Variants in ATP6V1B2 observed in about 807,000 individuals in gnomAD.
The protein encoded by ATP6V1B2 is ATPase H+ transporting V1 subunit B2.
In ATP6V1B2, 23 loss-of-function variants were observed where a neutral mutation model predicts 66.7. That is an observed-to-expected ratio of 0.34 (90% confidence interval 0.25 to 0.49). The LOEUF is 0.49. Among genes scored for constraint, ATP6V1B2 ranks in the 20% least tolerant of loss-of-function variants. The pLI, the probability that ATP6V1B2 is intolerant of heterozygous loss-of-function variation, is 0.99. For missense variants in ATP6V1B2, 478 were observed against 650.8 expected, an observed-to-expected ratio of 0.73 and a Z score of 2.89; for synonymous variants, 278 against 236.7, an observed-to-expected ratio of 1.17 and a Z score of -1.60.
At chr8:20,214,996 C>A in intron 10 of ATP6V1B2, 28 bp downstream of exon 10, 1 of 1,602,520 alleles carries the variant, frequency 6.2e-7, no homozygotes, top group Non-Finnish European at 8.5e-7. Flanking sequence ...GATTATAACA[C>A]ACCTAATCAT....
At chr8:20,218,894 T>G (rs920619360) in intron 13 of ATP6V1B2, among the ~76,000 whole-genome samples, 1 of 152,132 alleles carries the variant, frequency 6.6e-6, no homozygotes, top group Non-Finnish European at 1.5e-5. Context: ...AACCAAAGTT[T>G]TTTTTCCAGC....
chr8:20,220,571 T>C lies in ATP6V1B2; in HGVS notation c.*169T>C. 2.1e-6 allele frequency: 2 copies of C among 950,158 alleles called. No homozygotes were observed. The highest frequency in any genetic ancestry group is 2.9e-6 in the Non-Finnish European group (2 of 690,032). 58.9% of individuals were successfully genotyped at this position (950,158 alleles called of 1,614,324 possible). Reference sequence around the variant, plus strand: ...CCAGTGTTGCAACGTTTTAAACTGCTAACAGACCTTAAAATATCCCCCTAC... The same window carrying C: ...CCAGTGTTGCAACGTTTTAAACTGCCAACAGACCTTAAAATATCCCCCTAC... On this transcript the variant is annotated 3_prime_UTR_variant, in exon 14 of 14. Transcript: ENST00000276390.
chr8:20,217,316 A>C lies in ATP6V1B2; in HGVS notation c.1258A>C (p.Asn420His), dbSNP rs767182084. Residue 420 changes from asparagine (N) to histidine (H), a missense_variant, in exon 12 of 14, where the codon AAC (asparagine) becomes CAC (histidine). This residue lies in a region of ATP6V1B2 where 326 missense variants were observed against 545.6 expected (regional missense o/e 0.60). Coordinates refer to ENST00000276390, the MANE Select transcript of ATP6V1B2 (RefSeq NM_001693.4). ...MTRKDHADVS[N>H]QLYACYAIGK... ...CAGGAAGGATCATGCCGATGTATCT[A>C]ACCAGCTAGTATGTACATTCTTCTA... 2 of 1,607,370 alleles carry C rather than the reference A, an allele frequency of 1.2e-6. No homozygotes were observed. Among genetic ancestry groups the C allele is most frequent in the Non-Finnish European group, 8.5e-7 (1 of 1,174,038 alleles).
intron 13 of ATP6V1B2, among the ~76,000 whole-genome samples, chr8:20,219,360 A>T (rs187038431): frequency 1.4e-4 from 22 of 152,174 alleles, no homozygotes; most frequent in Admixed American, 1.3e-3. Flanking sequence ...TGCCAGGGTA[A>T]ATATATTACT....
At chr8:20,211,537 T>C (rs878968990) in intron 6 of ATP6V1B2, 115 bp from the exon 7 acceptor site, 1 of 1,303,920 alleles carries the variant, frequency 7.7e-7, no homozygotes, top group South Asian at 1.4e-5. Flanking sequence ...ATGAATACCC[T>C]AAAACATCCT....
chr8:20,206,605 C>G (rs1434370840), intron 2 of ATP6V1B2, among the ~76,000 whole-genome samples: 5 of 152,258 alleles, frequency 3.3e-5, no homozygotes, highest in African/African-American at 1.2e-4. Flanking sequence ...GAGTGAGGCC[C>G]TGAAGAGTCC....
At chr8:20,201,410 G>A (rs1435954343) in intron 1 of ATP6V1B2, among the ~76,000 whole-genome samples, 1 of 152,168 alleles carries the variant, frequency 6.6e-6, no homozygotes. Flanking sequence ...AGGAAGGCTG[G>A]ATAAATCTAG....
At chr8:20,210,319 C>T in intron 3 of ATP6V1B2, 27 bp from the exon 4 acceptor site, 1 of 1,577,100 alleles carries the variant, frequency 6.3e-7, no homozygotes, top group Non-Finnish European at 8.7e-7. Context: ...TACTTCTACC[C>T]TTCTCATTAA....
chr8:20,212,779 C>T lies in ATP6V1B2; in HGVS notation c.804-3C>T. ...TGGCCTAAGACTTAATGTTCCCTTT[C>T]AGCATTGAGCGAATTATCACTCCTC... On this transcript the variant is annotated splice_polypyrimidine_tract_variant and splice_region_variant and intron_variant, in intron 8 of 13. Coordinates refer to ENST00000276390, the MANE Select transcript of ATP6V1B2 (RefSeq NM_001693.4). 1 of 1,612,566 alleles carries T rather than the reference C, an allele frequency of 6.2e-7. No homozygotes were observed. Among genetic ancestry groups the T allele is most frequent in the Middle Eastern group, 1.7e-4 (1 of 6,054 alleles).
In ATP6V1B2 at chr8:20,217,461, A is replaced by G. The variant is rs561763645; in HGVS notation, c.1266+137A>G. 4.6e-5 allele frequency: 33 copies of G among 715,832 alleles called. No homozygotes were observed. In the East Asian group the frequency reaches 7.7e-4, roughly 17 times the overall value. The allele number at this position is 715,832 out of a possible 1,614,324, so 44.3% of individuals were successfully genotyped here. A position where few individuals can be genotyped will look rare whatever the true frequency, so the allele number is the denominator to read the frequency against. On this transcript the variant is annotated intron_variant, in intron 12 of 13. Coordinates refer to ENST00000276390, the MANE Select transcript of ATP6V1B2 (RefSeq NM_001693.4). ...TTAGTGTAGGCTTGATGTGGAATACATAATCATTCATTAGAACCAAAGCAG... is the reference window on the plus strand; with the variant it reads ...TTAGTGTAGGCTTGATGTGGAATACGTAATCATTCATTAGAACCAAAGCAG...
chr8:20,216,661 C>T (rs118190702), intron 11 of ATP6V1B2, 166 bp downstream of exon 11: 739 of 552,626 alleles, frequency 1.3e-3, no homozygotes, highest in Middle Eastern at 9.3e-3. Flanking sequence ...ATTCTGGTGT[C>T]GGCAGAGCGC....
At chr8:20,210,896 T>A (rs1271974348) in intron 5 of ATP6V1B2, among the ~76,000 whole-genome samples, 1 of 152,178 alleles carries the variant, frequency 6.6e-6, no homozygotes, top group Non-Finnish European at 1.5e-5. Context: ...AAACCATGAA[T>A]TTGAAATTAG....
chr8:20,199,167 T>A (rs2072658396), intron 1 of ATP6V1B2, among the ~76,000 whole-genome samples: 1 of 152,226 alleles, frequency 6.6e-6, no homozygotes, highest in Admixed American at 6.5e-5. Context: ...TGAATATGAT[T>A]TCTCCATGGT....
At chr8:20,210,092 T>C (rs1177283380) in intron 3 of ATP6V1B2, among the ~76,000 whole-genome samples, 1 of 148,102 alleles carries the variant, frequency 6.8e-6, no homozygotes, top group Non-Finnish European at 1.5e-5. Flanking sequence ...ATATATATAT[T>C]TATATATTTA....
At chr8:20,206,906 G>A (rs1413214504) in intron 2 of ATP6V1B2, among the ~76,000 whole-genome samples, 1 of 152,040 alleles carries the variant, frequency 6.6e-6, no homozygotes, top group Non-Finnish European at 1.5e-5. Flanking sequence ...AGAAATTAGG[G>A]TACAAAGCGA....
At chr8:20,220,195 T>A in intron 13 of ATP6V1B2, 68 bp from the exon 14 acceptor site, 1 of 1,532,752 alleles carries the variant, frequency 6.5e-7, no homozygotes. Context: ...CATATAACAA[T>A]ACATACTGGA....
intron 9 of ATP6V1B2, 191 bp downstream of exon 9, chr8:20,213,096 A>G (rs1204505908): frequency 3.1e-6 from 2 of 648,766 alleles, no homozygotes; most frequent in Admixed American, 3.3e-5. Context: ...AGAGGTTAAG[A>G]TTTAAATGGT....
intron 1 of ATP6V1B2, 110 bp downstream of exon 1, chr8:20,197,652 C>A: frequency 8.0e-7 from 1 of 1,244,950 alleles, no homozygotes; most frequent in South Asian, 3.1e-5. Flanking sequence ...TTTTCCCTCC[C>A]GCGTCTCCCC....
chr8:20,211,140 C>T, intron 5 of ATP6V1B2, 37 bp from the exon 6 acceptor site: 1 of 1,590,516 alleles, frequency 6.3e-7, no homozygotes, highest in East Asian at 2.3e-5. Context: ...AATAATGCGG[C>T]AACTTGTTGA....
Sources: allele counts gnomAD v4.1 joint callset (sites outside exome capture counted in the v4.1 genomes callset), GRCh38; gene constraint gnomAD v4.1.1; regional missense constraint gnomAD v4.1.1; transcripts MANE v1.5; gene names NCBI Gene and HGNC (gene_info 2026-07-23, HGNC 2026-07-21).